Variants in UBR3 observed in about 807,000 individuals in gnomAD.
UBR3 encodes E3 ubiquitin-protein ligase UBR3.
UBR3 carries 85 observed loss-of-function variants against 243.2 expected under a neutral mutation model. That is an observed-to-expected ratio of 0.35 (90% CI 0.29 to 0.42). The LOEUF (loss-of-function observed/expected upper bound fraction) is 0.42, where lower values mean the gene tolerates loss of function less well. Ranked by LOEUF, UBR3 falls within the 10% of genes least tolerant of loss-of-function variation. UBR3 has a pLI of 1.00. For synonymous variants in UBR3, 748 were observed against 799.8 expected (o/e 0.94, Z 1.09); for missense variants, 1,686 against 2,300.8 (o/e 0.73, Z 5.47).
chr2:169,914,149 A>G lies in UBR3; in HGVS notation c.1866+3A>G. ...ATGCTATTAACTTCGTAGACGAGGT[A>G]TGTATATTTTTGATGTATGTAAATT... On this transcript the variant is annotated splice_donor_region_variant and intron_variant, in intron 11 of 38. Transcript: ENST00000272793. The G allele has an allele frequency of 2.7e-6, 4 of 1,484,736 alleles. No individual in the cohort carries two copies. The highest frequency in any genetic ancestry group is 3.6e-6 in the Non-Finnish European group (4 of 1,114,190). 92.0% of individuals were successfully genotyped at this position (1,484,736 alleles called of 1,614,324 possible).
chr2:169,893,024 G>T (rs751312637), intron 6 of UBR3, among the ~76,000 whole-genome samples: 189 of 152,302 alleles, frequency 1.2e-3, no homozygotes, highest in Non-Finnish European at 2.0e-3. Context: ...TTTACACATT[G>T]TTAAAAGTCA....
chr2:169,922,181 G>A (rs2085727812), intron 11 of UBR3, among the ~76,000 whole-genome samples: 1 of 151,838 alleles, frequency 6.6e-6, no homozygotes, highest in Non-Finnish European at 1.5e-5. Flanking sequence ...AGCTGCTCAG[G>A]GGGCCGAGGA....
At chr2:169,829,814 TACACACAC>T (rs10530118) in intron 1 of UBR3, among the ~76,000 whole-genome samples, 157 of 149,220 alleles carry the variant, frequency 1.1e-3, no homozygotes, top group African/African-American at 2.7e-3. Context: ...AGCTAAAAAG[TACACACAC>T]ACACACACAC....
chr2:170,007,136 A>G lies in UBR3; in HGVS notation c.4176A>G (p.Ile1392Met), dbSNP rs542544097. The change falls in exon 28 of 39, where the codon ATA (isoleucine) becomes ATG (methionine). Residue 1392 changes from isoleucine to methionine, a missense_variant. Around this residue, in one of 8 missense-constraint regions of UBR3, gnomAD observed 371 missense variants for 422.5 expected, o/e 0.88. Transcript: ENST00000272793. Reference protein sequence around the residue: ...NPWQRPSNKSIQDLIKEVEEL... With the variant: ...NPWQRPSNKSMQDLIKEVEEL... ...GGCAACGTCCTAGCAACAAAAGCAT[A>G]CAAGATCTCATAAAGGAAGTGGAGG... 1 of 1,613,116 alleles carries G rather than the reference A, an allele frequency of 6.2e-7. No homozygotes were observed. The highest frequency in any genetic ancestry group is 1.1e-5 in the South Asian group (1 of 90,804).
chr2:169,884,335 G>A (rs2084010020), intron 5 of UBR3, among the ~76,000 whole-genome samples: 1 of 151,960 alleles, frequency 6.6e-6, no homozygotes, highest in Non-Finnish European at 1.5e-5. Context: ...TGTATTTTTA[G>A]TAGAGACGGG....
Position 169,903,634 on chromosome 2 carries a change from G to T in UBR3, c.1466-1480G>T, listed in dbSNP as rs189869246. On this transcript the variant is annotated intron_variant, in intron 8 of 38. Coordinates refer to ENST00000272793, the MANE Select transcript of UBR3 (RefSeq NM_172070.4). ...GTGGACTGAAACCTAAGTTTAATGT[G>T]TGGAAATTAAAAAGTGCAGTAGAGG... Among the ~76,000 whole-genome samples, 441 of 152,274 alleles carry T rather than the reference G, an allele frequency of 2.9e-3. 2 individuals are homozygous for T. The highest frequency in any genetic ancestry group is 0.01 in the African/African-American group (416 of 41,570).
At chr2:170,055,144 A>C (rs1483932322) in intron 32 of UBR3, among the ~76,000 whole-genome samples, 1 of 152,150 alleles carries the variant, frequency 6.6e-6, no homozygotes, top group African/African-American at 2.4e-5. Flanking sequence ...CAAAAAATAA[A>C]AAGCTAATCA....
At position 169,946,418 on chromosome 2, in the gene UBR3, T is replaced by C. The variant is rs557497502; in HGVS notation, c.2910+26T>C. Reference sequence around the variant, plus strand: ...GTAAGTAGTTTTTATAATTTAAAATTTTTAGATAGGCAGCCCCTATCTGGC... The same window carrying C: ...GTAAGTAGTTTTTATAATTTAAAATCTTTAGATAGGCAGCCCCTATCTGGC... On this transcript the variant is annotated intron_variant, in intron 21 of 38. Transcript: ENST00000272793. The C allele has an allele frequency of 2.1e-5, 29 of 1,361,312 alleles. No homozygotes were observed. The East Asian group carries it at 6.9e-4, about 33-fold the overall frequency. 84.3% of individuals were successfully genotyped at this position (1,361,312 alleles called of 1,614,324 possible).
At chr2:169,946,881 A>G (rs891701096) in intron 21 of UBR3, among the ~76,000 whole-genome samples, 2 of 152,142 alleles carry the variant, frequency 1.3e-5, no homozygotes, top group African/African-American at 2.4e-5. Context: ...AGGTAATGGC[A>G]TGAATATTGT....
intron 2 of UBR3, among the ~76,000 whole-genome samples, chr2:169,874,971 A>G (rs1238571202): frequency 6.9e-6 from 1 of 144,500 alleles, no homozygotes; most frequent in Non-Finnish European, 1.5e-5. Context: ...TTCGTCTTTA[A>G]TATTCTTTTT....
intron 1 of UBR3, among the ~76,000 whole-genome samples, chr2:169,857,315 G>A (rs2082920966): frequency 6.6e-6 from 1 of 152,008 alleles, no homozygotes; most frequent in Non-Finnish European, 1.5e-5. Context: ...CCCTTCAGAT[G>A]ATTCGCCTGC....
chr2:170,033,815 C>A lies in UBR3; in HGVS notation c.4556+4367C>A, dbSNP rs569629170. On this transcript the variant is annotated intron_variant, in intron 31 of 38. Coordinates refer to ENST00000272793, the MANE Select transcript of UBR3 (RefSeq NM_172070.4). ...AATCCTATGAAAATTATTTTATTTC[C>A]TTCTAATTTTCATTGTGCTGATAAT... Among the ~76,000 whole-genome samples, 7 of 150,408 alleles carry A rather than the reference C, an allele frequency of 4.7e-5. No homozygotes were observed. The South Asian group carries it at 1.5e-3, about 32-fold the overall frequency.
At chr2:170,071,079 G>A (rs2091687359) in intron 35 of UBR3, among the ~76,000 whole-genome samples, 1 of 152,168 alleles carries the variant, frequency 6.6e-6, no homozygotes, top group Admixed American at 6.5e-5. Context: ...ATAATACCAA[G>A]TGTTGGCGAG....
At chr2:170,060,519 T>TG (rs1343304890) in intron 33 of UBR3, among the ~76,000 whole-genome samples, 2 of 152,304 alleles carry the variant, frequency 1.3e-5, no homozygotes, top group East Asian at 1.9e-4. Context: ...TTCTATTGTA[T>TG]GCATATGTTA....
chr2:169,874,575 T>G (rs2083538602), intron 2 of UBR3, among the ~76,000 whole-genome samples: 1 of 152,224 alleles, frequency 6.6e-6, no homozygotes, highest in South Asian at 2.1e-4. Context: ...ATCTTGTGGT[T>G]TCCCAATTTC....
chr2:170,024,626 T>A (rs976170888), intron 30 of UBR3, among the ~76,000 whole-genome samples: 5 of 152,132 alleles, frequency 3.3e-5, no homozygotes, highest in Non-Finnish European at 5.9e-5. Context: ...AGAGTTTTTT[T>A]ATGTAAAATA....
chr2:170,002,328 G>A (rs1244736491), intron 27 of UBR3, among the ~76,000 whole-genome samples: 4 of 152,162 alleles, frequency 2.6e-5, no homozygotes, highest in Non-Finnish European at 4.4e-5. Flanking sequence ...GCTTAGACTA[G>A]GGTTATGGGC....
intron 27 of UBR3, among the ~76,000 whole-genome samples, chr2:170,001,936 A>AG (rs2089723203): frequency 7.6e-6 from 1 of 131,638 alleles, no homozygotes; most frequent in East Asian, 2.0e-4. Flanking sequence ...AAAAAAAAAA[A>AG]AAAAAAGAAA....
rs1469597692 is a variant in UBR3 at position 170,082,715 on chromosome 2, T to C, written c.*872T>C. 1.3e-5 allele frequency: 2 copies of C among 152,398 alleles called. No individual in the cohort carries two copies. Among genetic ancestry groups the C allele is most frequent in the East Asian group, 3.9e-4 (2 of 5,188 alleles). The allele number at this position is 152,398 out of a possible 1,614,324, so 9.4% of individuals were successfully genotyped here. On this transcript the variant is annotated 3_prime_UTR_variant, in exon 39 of 39. Transcript: ENST00000272793. Reference sequence around the variant, plus strand: ...ACCAAACAAGGTTTTGTTTATATGATTGTATTAGAAATGCTCAGACTTCCC... The same window carrying C: ...ACCAAACAAGGTTTTGTTTATATGACTGTATTAGAAATGCTCAGACTTCCC...
Sources: gnomAD v4.1 joint callset for allele counts (sites outside exome capture counted in the v4.1 genomes callset) on GRCh38, gnomAD v4.1.1 for gene constraint, gnomAD v4.1.1 regional missense constraint, MANE v1.5 for transcripts, NCBI Gene and HGNC (gene_info 2026-07-23, HGNC 2026-07-21) for gene names.